Variants in LRMDA observed in about 807,000 individuals in gnomAD.
LRMDA encodes leucine rich melanocyte differentiation associated, also known as leucine-rich melanocyte differentiation-associated protein.
In LRMDA, 18 loss-of-function variants were observed where a neutral mutation model predicts 29.8. The ratio of observed to expected loss-of-function variants is 0.60; its 90% CI spans 0.42 to 0.90. LRMDA has a LOEUF of 0.90. Among genes scored for constraint, LRMDA ranks in the 40% least tolerant of loss-of-function variants. LRMDA has a pLI of 0.00. For synonymous variants in LRMDA, 125 were observed against 109.4 expected (o/e 1.14, Z -0.89); for missense variants, 273 against 273.9 (o/e 1.00, Z 0.02).
At chr10:76,427,670 C>T (rs1354650003) in intron 6 of LRMDA, among the ~76,000 whole-genome samples, 1 of 152,122 alleles carries the variant, frequency 6.6e-6, no homozygotes, top group African/African-American at 2.4e-5. Flanking sequence ...GAGGGCATCC[C>T]TGTCTTGTGC....
At chr10:75,971,539 T>C (rs1203181709) in intron 2 of LRMDA, among the ~76,000 whole-genome samples, 1 of 152,234 alleles carries the variant, frequency 6.6e-6, no homozygotes, top group Non-Finnish European at 1.5e-5. Flanking sequence ...GGTATATTTC[T>C]AATCCAAGTG....
intron 5 of LRMDA, among the ~76,000 whole-genome samples, chr10:76,126,127 G>A (rs868031146): frequency 6.6e-6 from 1 of 152,150 alleles, no homozygotes; most frequent in Non-Finnish European, 1.5e-5. Context: ...ACACATTCCC[G>A]GACTGCCTCA....
intron 2 of LRMDA, among the ~76,000 whole-genome samples, chr10:75,904,344 CT>C (rs1422851599): frequency 6.6e-6 from 1 of 152,124 alleles, no homozygotes; most frequent in Non-Finnish European, 1.5e-5. Context: ...AGTATAAAGT[CT>C]TTTTGTCTAT....
chr10:75,475,994 G>A (rs1030391619), intron 2 of LRMDA, among the ~76,000 whole-genome samples: 4 of 152,172 alleles, frequency 2.6e-5, no homozygotes, highest in African/African-American at 9.7e-5. Context: ...CCACATGGTT[G>A]ACTCTTGCTT....
Position 75,757,048 on chromosome 10 carries a change from A to G in LRMDA, c.132-278960A>G, listed in dbSNP as rs1364268185. On this transcript the variant is annotated intron_variant, in intron 2 of 6. Transcript: ENST00000611255. The stretch of plus-strand genomic sequence containing the variant: ...ATTGATGGTTTCAATAGGAATTTAC[A>G]TTTCTGTCTTCCTGGGGCCCAGAAA... Among the ~76,000 whole-genome samples the G allele has an allele frequency of 2.6e-5, 4 of 152,216 alleles. No individual in the cohort carries two copies. In the East Asian group the frequency reaches 7.7e-4, roughly 29 times the overall value.
intron 2 of LRMDA, among the ~76,000 whole-genome samples, chr10:75,588,667 T>C (rs1840684815): frequency 1.3e-5 from 2 of 152,214 alleles, no homozygotes; most frequent in Admixed American, 1.3e-4. Context: ...CCCATATGAT[T>C]TGAAAATTAA....
chr10:75,602,303 C>T (rs7068132), intron 2 of LRMDA, among the ~76,000 whole-genome samples: 146,661 of 152,320 alleles, frequency 0.96, 70,651 homozygotes, highest in African/African-American at 0.99. Flanking sequence ...CTCTAAGTTA[C>T]TTGTTAAAAG....
chr10:76,342,151 A>G (rs1043909124), intron 6 of LRMDA, among the ~76,000 whole-genome samples: 2 of 152,228 alleles, frequency 1.3e-5, no homozygotes, highest in Non-Finnish European at 2.9e-5. Flanking sequence ...CACTGAGATC[A>G]TAATATAATA....
At chr10:76,197,968 T>G (rs1033741519) in intron 5 of LRMDA, among the ~76,000 whole-genome samples, 6 of 152,086 alleles carry the variant, frequency 3.9e-5, no homozygotes, top group Non-Finnish European at 5.9e-5. Flanking sequence ...AATTCTGGTC[T>G]AAACTACACA....
intron 2 of LRMDA, among the ~76,000 whole-genome samples, chr10:76,028,650 A>T (rs1479391603): frequency 6.6e-6 from 1 of 152,162 alleles, no homozygotes; most frequent in African/African-American, 2.4e-5. Context: ...CAAAAAAATA[A>T]GATCAAAATC....
rs16932722 is a variant in LRMDA at position 75,931,915 on chromosome 10, C to G, written c.132-104093C>G. On this transcript the variant is annotated intron_variant, in intron 2 of 6. Transcript: ENST00000611255. Reference sequence around the variant, plus strand: ...ATATCCTATTGTATGTCTTCTTCCCCTCACCATGTCAAAGCTATGTTAGGT... The same window carrying G: ...ATATCCTATTGTATGTCTTCTTCCCGTCACCATGTCAAAGCTATGTTAGGT... 6.5e-3 allele frequency among the ~76,000 whole-genome samples: 989 copies of G among 152,314 alleles called. 50 individuals are homozygous for G. The East Asian group carries it at 0.14, about 22-fold the overall frequency.
At chr10:76,258,547 G>A (rs1589397924) in intron 5 of LRMDA, among the ~76,000 whole-genome samples, 1 of 151,860 alleles carries the variant, frequency 6.6e-6, no homozygotes, top group Non-Finnish European at 1.5e-5. Context: ...TTTTTAACAT[G>A]AGAAATTATT....
intron 6 of LRMDA, among the ~76,000 whole-genome samples, chr10:76,471,054 G>A (rs1842612694): frequency 1.3e-5 from 2 of 151,774 alleles, no homozygotes; most frequent in African/African-American, 4.8e-5. Flanking sequence ...CAGCACAATG[G>A]AGATGGGTGG....
chr10:76,040,341 C>G lies in LRMDA; in HGVS notation c.258+4207C>G, dbSNP rs555044669. On this transcript the variant is annotated intron_variant, in intron 3 of 6. Transcript: ENST00000611255. Reference sequence around the variant, plus strand: ...GTGTTCATCAGTCAATGCCTCCCTGCCATCTGCATACCTCCTGCTGGACCT... The same window carrying G: ...GTGTTCATCAGTCAATGCCTCCCTGGCATCTGCATACCTCCTGCTGGACCT... Among the ~76,000 whole-genome samples, 4 of 152,290 alleles carry G rather than the reference C, an allele frequency of 2.6e-5. No homozygotes were observed. The East Asian group carries it at 7.7e-4, about 29-fold the overall frequency.
intron 4 of LRMDA, among the ~76,000 whole-genome samples, chr10:76,056,924 G>A (rs1848625005): frequency 6.6e-6 from 1 of 152,168 alleles, no homozygotes. Flanking sequence ...GCTCCATAGA[G>A]CAAGCAGCCC....
chr10:75,720,727 G>A (rs557982005), intron 2 of LRMDA, among the ~76,000 whole-genome samples: 4 of 152,238 alleles, frequency 2.6e-5, no homozygotes, highest in South Asian at 2.1e-4. Flanking sequence ...ATCACAGCTC[G>A]CATCTACTGG....
chr10:75,532,056 GAAAAAAAAAA>G (rs60697116), intron 2 of LRMDA, among the ~76,000 whole-genome samples: 4 of 95,386 alleles, frequency 4.2e-5, no homozygotes, highest in African/African-American at 1.6e-4. Context: ...AAGAAAGAAA[GAAAAAAAAAA>G]AAAAAAAAAA....
At chr10:76,290,857 C>G (rs944632166) in intron 5 of LRMDA, among the ~76,000 whole-genome samples, 4 of 152,050 alleles carry the variant, frequency 2.6e-5, no homozygotes, top group African/African-American at 9.7e-5. Context: ...AGATGAGAGA[C>G]CAGTTGACTC....
At chr10:75,645,342 AG>A (rs1485531371) in intron 2 of LRMDA, among the ~76,000 whole-genome samples, 1 of 152,172 alleles carries the variant, frequency 6.6e-6, no homozygotes, top group African/African-American at 2.4e-5. Flanking sequence ...CCATTGTTAT[AG>A]ATGAGGAAAT....
Sources: allele counts gnomAD v4.1 joint callset (sites outside exome capture counted in the v4.1 genomes callset), GRCh38; gene constraint gnomAD v4.1.1; transcripts MANE v1.5; gene names NCBI Gene and HGNC (gene_info 2026-07-23, HGNC 2026-07-21).